Variants in EDIL3 observed in about 807,000 individuals in gnomAD.
The protein encoded by EDIL3 is EGF like and discoidin domains 3, also known as EGF-like repeat and discoidin I-like domain-containing protein 3.
A neutral mutation model predicts 67.4 loss-of-function variants in EDIL3; 37 were observed. The ratio of observed to expected loss-of-function variants is 0.55; its 90% CI spans 0.42 to 0.72. The LOEUF (loss-of-function observed/expected upper bound fraction) is 0.72. Ranked by LOEUF, EDIL3 falls within the 30% of genes least tolerant of loss-of-function variation. EDIL3 has a pLI of 0.00. For missense variants in EDIL3, 527 were observed against 586.3 expected (o/e 0.90, Z 1.04); for synonymous variants, 195 against 196.3 (o/e 0.99, Z 0.05).
At chr5:84,265,867 TG>T (rs1745337318) in intron 1 of EDIL3, among the ~76,000 whole-genome samples, 1 of 152,160 alleles carries the variant, frequency 6.6e-6, no homozygotes, top group Admixed American at 6.5e-5. Flanking sequence ...ATTAACTCAG[TG>T]GAAGTCAGAA....
At chr5:84,228,743 T>A (rs1744500827) in intron 3 of EDIL3, among the ~76,000 whole-genome samples, 1 of 152,184 alleles carries the variant, frequency 6.6e-6, no homozygotes, top group South Asian at 2.1e-4. Flanking sequence ...AACTTTGATC[T>A]TTTGAATTTA....
chr5:84,060,873 C>A (rs565219960), intron 8 of EDIL3, among the ~76,000 whole-genome samples: 1 of 152,242 alleles, frequency 6.6e-6, no homozygotes, highest in African/African-American at 2.4e-5. Flanking sequence ...GACATTTTCT[C>A]ACAAAGTATT....
At chr5:83,994,392 T>C (rs992067214) in intron 9 of EDIL3, among the ~76,000 whole-genome samples, 4 of 146,972 alleles carry the variant, frequency 2.7e-5, no homozygotes, top group African/African-American at 9.9e-5. Flanking sequence ...TTTTTTTTTT[T>C]CATTTCAATT....
rs1748953160 is a variant in EDIL3, at chr5:84,178,181, A to G, written c.355+2212T>C. ...ATCACTTTTGGCTATTCAAAGCCTT[A>G]TGTAGTATTTCTCAAATTTCAGTGT... On this transcript the variant is annotated intron_variant, in intron 4 of 10. Coordinates refer to ENST00000296591, the MANE Select transcript of EDIL3 (RefSeq NM_005711.5). 2.0e-5 allele frequency among the ~76,000 whole-genome samples: 3 copies of G among 152,290 alleles called. No individual in the cohort carries two copies. The South Asian group carries it at 6.2e-4, about 32-fold the overall frequency.
intron 9 of EDIL3, among the ~76,000 whole-genome samples, chr5:84,000,828 T>G (rs1745318559): frequency 6.6e-6 from 1 of 151,862 alleles, no homozygotes; most frequent in Non-Finnish European, 1.5e-5. Context: ...CTTTGGAAAT[T>G]ATACTAACAC....
chr5:84,297,053 G>T (rs180951843), intron 1 of EDIL3, among the ~76,000 whole-genome samples: 1 of 151,842 alleles, frequency 6.6e-6, no homozygotes, highest in Admixed American at 6.6e-5. Flanking sequence ...ATGGAAGGGG[G>T]TGCCAATAGT....
chr5:84,238,869 T>A (rs1004146207), intron 2 of EDIL3, among the ~76,000 whole-genome samples: 1 of 152,090 alleles, frequency 6.6e-6, no homozygotes, highest in African/African-American at 2.4e-5. Flanking sequence ...TTTAAGGCAA[T>A]GAAAATTGAA....
At chr5:84,254,658 C>A (rs1274249309) in intron 1 of EDIL3, among the ~76,000 whole-genome samples, 4 of 152,100 alleles carry the variant, frequency 2.6e-5, no homozygotes, top group Non-Finnish European at 5.9e-5. Flanking sequence ...CTTGCTTTGG[C>A]CAGTAGGTCG....
intron 1 of EDIL3, among the ~76,000 whole-genome samples, chr5:84,337,712 C>T (rs1747018228): frequency 1.3e-5 from 2 of 152,018 alleles, no homozygotes; most frequent in African/African-American, 4.8e-5. Flanking sequence ...TCAATATTTC[C>T]TGTAACTTTT....
At chr5:84,364,717 A>T (rs1030693957) in intron 1 of EDIL3, among the ~76,000 whole-genome samples, 6 of 152,046 alleles carry the variant, frequency 3.9e-5, no homozygotes, top group African/African-American at 1.4e-4. Flanking sequence ...TTATATATAC[A>T]TGATAAATCT....
intron 6 of EDIL3, among the ~76,000 whole-genome samples, chr5:84,092,539 T>C (rs988794376): frequency 7.9e-5 from 12 of 152,186 alleles, no homozygotes; most frequent in African/African-American, 2.9e-4. Flanking sequence ...TTGTGTTCTG[T>C]ATTTTATGAG....
At chr5:84,052,975 A>T (rs987369340) in intron 9 of EDIL3, among the ~76,000 whole-genome samples, 6 of 152,156 alleles carry the variant, frequency 3.9e-5, no homozygotes, top group African/African-American at 1.2e-4. Flanking sequence ...ATATCTACAG[A>T]ACTCTCCACC....
chr5:84,135,883 G>A (rs1206872852), intron 5 of EDIL3, among the ~76,000 whole-genome samples: 1 of 151,564 alleles, frequency 6.6e-6, no homozygotes, highest in African/African-American at 2.4e-5. Flanking sequence ...ATTTTGTGTG[G>A]TTTGTCAGGA....
chr5:84,047,351 T>C (rs931750418), intron 9 of EDIL3, among the ~76,000 whole-genome samples: 3 of 152,150 alleles, frequency 2.0e-5, no homozygotes, highest in Non-Finnish European at 4.4e-5. Flanking sequence ...TTTTCTAAGC[T>C]GTTTTTAGAG....
chr5:84,306,109 C>T (rs985094202), intron 1 of EDIL3, among the ~76,000 whole-genome samples: 6 of 151,962 alleles, frequency 3.9e-5, no homozygotes, highest in East Asian at 1.9e-4. Flanking sequence ...AAAGCATCAA[C>T]GCATACTCAG....
chr5:84,336,400 TC>T (rs1746986702), intron 1 of EDIL3, among the ~76,000 whole-genome samples: 1 of 152,090 alleles, frequency 6.6e-6, no homozygotes, highest in South Asian at 2.1e-4. Context: ...AGATTTCAAG[TC>T]GAGGGGATAT....
chr5:84,193,246 T>C (rs1743628273), intron 3 of EDIL3, among the ~76,000 whole-genome samples: 1 of 151,958 alleles, frequency 6.6e-6, no homozygotes, highest in African/African-American at 2.4e-5. Context: ...ATCATTGTAC[T>C]TGTCCAGGCG....
intron 2 of EDIL3, among the ~76,000 whole-genome samples, chr5:84,239,231 T>A (rs1387525945): frequency 6.6e-6 from 1 of 152,170 alleles, no homozygotes; most frequent in Non-Finnish European, 1.5e-5. Context: ...ACCCTAGTCA[T>A]CATTTTTGTT....
rs537058338 is a variant in EDIL3, at chr5:84,210,763, C to G, written c.226+19092G>C. Among the ~76,000 whole-genome samples, 4 of 152,266 alleles carry G rather than the reference C, an allele frequency of 2.6e-5. No homozygotes were observed. In the East Asian group the frequency reaches 7.7e-4, roughly 29 times the overall value. On this transcript the variant is annotated intron_variant, in intron 3 of 10. Coordinates refer to ENST00000296591, the MANE Select transcript of EDIL3 (RefSeq NM_005711.5). ...TACAGGCTGTATGTATGGTATCTAT[C>G]CTTTTTCATCGAATAGACTATGATT...
Sources: gnomAD v4.1 joint callset for allele counts (sites outside exome capture counted in the v4.1 genomes callset) on GRCh38, gnomAD v4.1.1 for gene constraint, MANE v1.5 for transcripts, NCBI Gene and HGNC (gene_info 2026-07-23, HGNC 2026-07-21) for gene names.